The following PRDM12 variants were observed in gnomAD, a reference collection of about 807,000 sequenced individuals.
The protein encoded by PRDM12 is PR domain zinc finger protein 12.
A neutral mutation model predicts 29.6 loss-of-function variants in PRDM12; 17 were observed. The ratio of observed to expected loss-of-function variants is 0.57; its 90% CI spans 0.39 to 0.86. The LOEUF (loss-of-function observed/expected upper bound fraction) is 0.86. Among genes scored for constraint, PRDM12 ranks in the 40% least tolerant of loss-of-function variants. PRDM12 has a pLI of 0.00. For synonymous variants in PRDM12, 231 were observed against 225.8 expected, an observed-to-expected ratio of 1.02 and a Z score of -0.21; for missense variants, 422 against 510.8, an observed-to-expected ratio of 0.83 and a Z score of 1.68.
At chr9:130,680,659 A>ATATATATATATATT in intron 4 of PRDM12, among the ~76,000 whole-genome samples, 65 of 72,150 alleles carry the variant, frequency 9.0e-4, no homozygotes, top group East Asian at 3.2e-3. Flanking sequence ...ATATATATAT[A>ATATATATATATATT]TTTTTTTTTT....
intron 4 of PRDM12, among the ~76,000 whole-genome samples, chr9:130,680,634 A>AAATATATAT (rs1469778040): frequency 3.4e-5 from 3 of 88,540 alleles, no homozygotes; most frequent in Non-Finnish European, 5.8e-5. Context: ...AAAAAAAAAA[A>AAATATATAT]ATATATATAT....
chr9:130,676,474 C>T (rs1304303756), intron 3 of PRDM12, among the ~76,000 whole-genome samples: 8 of 151,896 alleles, frequency 5.3e-5, no homozygotes, highest in Admixed American at 1.3e-4. Flanking sequence ...CCAGCCTGGG[C>T]GACAGCGCGA....
At chr9:130,667,351 T>C (rs114408298) in intron 2 of PRDM12, among the ~76,000 whole-genome samples, 2,853 of 152,274 alleles carry the variant, frequency 0.019, 115 homozygotes, top group African/African-American at 0.065. Context: ...TGCCTTACTG[T>C]TCCCTTTTCA....
At chr9:130,665,471 C>A (rs1264747727) in intron 1 of PRDM12, among the ~76,000 whole-genome samples, 4 of 152,130 alleles carry the variant, frequency 2.6e-5, no homozygotes, top group African/African-American at 9.7e-5. Context: ...CATCTCTGCG[C>A]GTCGCCCTCT....
chr9:130,678,251 G>A (rs1441789022), intron 3 of PRDM12, among the ~76,000 whole-genome samples: 1 of 151,696 alleles, frequency 6.6e-6, no homozygotes, highest in Non-Finnish European at 1.5e-5. Flanking sequence ...TTGCTGTGAG[G>A]CGTCCACTCT....
intron 3 of PRDM12, among the ~76,000 whole-genome samples, chr9:130,676,467 G>A (rs1830843585): frequency 6.6e-6 from 1 of 152,144 alleles, no homozygotes; most frequent in Non-Finnish European, 1.5e-5. Flanking sequence ...CTGCACTCCA[G>A]CCTGGGCGAC....
rs879255636 is a variant in PRDM12, at chr9:130,666,689, T to C, written c.305T>C (p.Ile102Thr). The C allele has an allele frequency of 2.5e-6, 4 of 1,613,546 alleles. No homozygotes were observed. The highest frequency in any genetic ancestry group is 3.4e-6 in the Non-Finnish European group (4 of 1,179,866). ...QSSIPGEGLG[I>T]FSKTWIKAGT... ...TCCATCCCTGGCGAGGGCCTCGGCA[T>C]CTTCTCCAAGACGTGGATCAAGGCG... The change falls in exon 2 of 5, where the codon ATC becomes ACC. Residue 102 changes from isoleucine (I) to threonine (T), a missense_variant. Physicochemically the swap from Ile to Thr is moderately conservative, Grantham distance 89. This residue lies in a region of PRDM12 where 300 missense variants were observed against 350.0 expected (regional missense o/e 0.86). Transcript: ENST00000253008.
chr9:130,678,514 C>T lies in PRDM12; in HGVS notation c.571-15C>T, dbSNP rs759421208. The T allele has an allele frequency of 1.6e-5, 25 of 1,594,058 alleles. No homozygotes were observed. The Middle Eastern group carries it at 1.0e-3, about 65-fold the overall frequency. On this transcript the variant is annotated splice_polypyrimidine_tract_variant and intron_variant, in intron 3 of 4. Transcript: ENST00000253008. ...CTGCGGCCTCCCTGACCTCCTCTTG[C>T]CTTCTTCCCTGCAGATGATCCCACC...
chr9:130,678,549 A>C lies in PRDM12; in HGVS notation c.591A>C (p.Glu197Asp). ...KAIEMIPPDQ[E>D]LLVWYGNSHN... ...TGCAGATGATCCCACCTGACCAGGA[A>C]CTGCTGGTGTGGTACGGAAACTCAC... The change falls in exon 4 of 5, where the codon GAA (glutamate) becomes GAC (aspartate). Residue 197 changes from glutamate to aspartate, a missense_variant. Glu to Asp is a conservative substitution (Grantham distance 45). Around this residue, in one of 5 missense-constraint regions of PRDM12, gnomAD observed 300 missense variants for 350.0 expected, o/e 0.86. Coordinates refer to ENST00000253008, the MANE Select transcript of PRDM12 (RefSeq NM_021619.3). 6.2e-7 allele frequency: 1 copy of C among 1,613,150 alleles called. No individual in the cohort carries two copies. The highest frequency in any genetic ancestry group is 8.5e-7 in the Non-Finnish European group (1 of 1,179,422).
chr9:130,680,623 TA>T (rs753422507), intron 4 of PRDM12, among the ~76,000 whole-genome samples: 6,835 of 78,786 alleles, frequency 0.087, 336 homozygotes, highest in Middle Eastern at 0.13. Context: ...AGACTCCGTC[TA>T]AAAAAAAAAA....
intron 4 of PRDM12, among the ~76,000 whole-genome samples, chr9:130,680,634 A>AATATATATATATATATATATATATAT (rs1181007721): frequency 2.3e-5 from 2 of 88,494 alleles, no homozygotes; most frequent in African/African-American, 1.1e-4. Flanking sequence ...AAAAAAAAAA[A>AATATATATATATATATATATATATAT]ATATATATAT....
At chr9:130,669,239 A>G (rs1830764858) in intron 3 of PRDM12, among the ~76,000 whole-genome samples, 1 of 152,140 alleles carries the variant, frequency 6.6e-6, no homozygotes, top group African/African-American at 2.4e-5. Context: ...AGGCAGGAGA[A>G]TGGCGTGAAC....
At chr9:130,665,607 C>G (rs1428690575) in intron 1 of PRDM12, among the ~76,000 whole-genome samples, 1 of 152,134 alleles carries the variant, frequency 6.6e-6, no homozygotes, top group African/African-American at 2.4e-5. Flanking sequence ...CCCTTTTAAA[C>G]AAGTCCCCTC....
At chr9:130,670,891 G>T (rs1344801829) in intron 3 of PRDM12, among the ~76,000 whole-genome samples, 1 of 152,186 alleles carries the variant, frequency 6.6e-6, no homozygotes, top group Admixed American at 6.5e-5. Flanking sequence ...CGCTGTGCAG[G>T]TCACACTGGC....
intron 2 of PRDM12, among the ~76,000 whole-genome samples, chr9:130,667,938 T>C (rs957210994): frequency 6.6e-6 from 1 of 152,168 alleles, no homozygotes; most frequent in Non-Finnish European, 1.5e-5. Flanking sequence ...GGTCAGCCCA[T>C]AGAGCCCTGG....
intron 3 of PRDM12, among the ~76,000 whole-genome samples, chr9:130,669,276 G>A (rs901139380): frequency 4.6e-5 from 7 of 152,050 alleles, no homozygotes; most frequent in African/African-American, 1.4e-4. Flanking sequence ...GCAGTGAGCC[G>A]AGATCACGCC....
Position 130,668,957 on chromosome 9 carries a change from T to C in PRDM12, c.570+644T>C, listed in dbSNP as rs929718363. 5.2e-4 allele frequency among the ~76,000 whole-genome samples: 79 copies of C among 152,148 alleles called. No homozygotes were observed. The highest frequency in any genetic ancestry group is 1.7e-3 in the African/African-American group (71 of 41,438). ...AGACTTGGGGGTTTTGCCGGCCATC[T>C]GGGGGGAGTGTTAGCACTAATAGCT... On this transcript the variant is annotated intron_variant, in intron 3 of 4. Coordinates refer to ENST00000253008, the MANE Select transcript of PRDM12 (RefSeq NM_021619.3). The surrounding 1 kb of genome is among the most constrained non-coding windows in gnomAD (Gnocchi z 4.0).
rs1339705107 is a variant in PRDM12, at chr9:130,664,712, C to G, written c.59C>G (p.Pro20Arg). The change falls in exon 1 of 5, where the codon CCG becomes CGG. Residue 20 changes from proline (P) to arginine (R), a missense_variant. Pro to Arg is a moderately radical substitution (Grantham distance 103). This residue lies in a region of PRDM12 where 300 missense variants were observed against 350.0 expected (regional missense o/e 0.86). Transcript: ENST00000253008. The surrounding 1 kb of genome is among the most constrained non-coding windows in gnomAD (Gnocchi z 6.4). ...GTGCTCAAGACCGGGCTGAAGGCGC[C>G]GGGACTGGCGCTGGCCGAGGTTATC... ...ALVLKTGLKAPGLALAEVITS... is the reference protein window; with the variant it reads ...ALVLKTGLKARGLALAEVITS... 6.2e-7 allele frequency: 1 copy of G among 1,609,822 alleles called. No individual in the cohort carries two copies. The highest frequency in any genetic ancestry group is 8.5e-7 in the Non-Finnish European group (1 of 1,179,560).
intron 3 of PRDM12, among the ~76,000 whole-genome samples, chr9:130,670,526 T>G (rs1830780354): frequency 6.6e-6 from 1 of 152,028 alleles, no homozygotes; most frequent in Non-Finnish European, 1.5e-5. Context: ...TGGGGCAGGG[T>G]GCAGAGAGCA....
Sources: allele counts gnomAD v4.1 joint callset (sites outside exome capture counted in the v4.1 genomes callset), GRCh38; gene constraint gnomAD v4.1.1; regional missense constraint gnomAD v4.1.1; non-coding constraint Gnocchi (gnomAD v3.1); transcripts MANE v1.5; gene names NCBI Gene and HGNC (gene_info 2026-07-23, HGNC 2026-07-21).